The following TPD52L1 variants were observed in gnomAD, a reference collection of about 807,000 sequenced individuals.
TPD52L1 encodes the protein TPD52 like 1.
Under a neutral mutation model 28.7 loss-of-function variants are expected in TPD52L1, and 18 were observed. The ratio of observed to expected loss-of-function variants is 0.63; its 90% CI spans 0.43 to 0.93. The LOEUF (loss-of-function observed/expected upper bound fraction) is 0.93, where lower values mean the gene tolerates loss of function less well. TPD52L1 is among the 40% of genes least tolerant of loss of function. The probability of loss-of-function intolerance (pLI) is 0.00; values close to 1 mark genes in which losing one functional copy is unlikely to be tolerated. For synonymous variants in TPD52L1, 75 were observed against 88.8 expected (o/e 0.84, Z 0.88); for missense variants, 203 against 254.8 (o/e 0.80, Z 1.39).
At chr6:125,208,132 A>G (rs1582929605) in intron 1 of TPD52L1, among the ~76,000 whole-genome samples, 1 of 152,342 alleles carries the variant, frequency 6.6e-6, no homozygotes, top group East Asian at 1.9e-4. Context: ...GGCATGACTC[A>G]TAGAGAAGAA....
At chr6:125,160,161 A>G (rs942258063) in intron 1 of TPD52L1, among the ~76,000 whole-genome samples, 3 of 152,168 alleles carry the variant, frequency 2.0e-5, no homozygotes, top group Non-Finnish European at 4.4e-5. Flanking sequence ...TATTAGCAGC[A>G]TAAGAATGGA....
At chr6:125,207,261 T>C (rs1001682524) in intron 1 of TPD52L1, among the ~76,000 whole-genome samples, 1 of 152,194 alleles carries the variant, frequency 6.6e-6, no homozygotes, top group Non-Finnish European at 1.5e-5. Context: ...GTCAAATTTC[T>C]GCATGAGGTG....
chr6:125,154,013 C>T (rs761253073), intron 1 of TPD52L1, 43 bp downstream of exon 1: 1 of 1,583,610 alleles, frequency 6.3e-7, no homozygotes, highest in Non-Finnish European at 8.6e-7. Flanking sequence ...TCCTGGGGCG[C>T]GCATAAAGGC....
intron 3 of TPD52L1, among the ~76,000 whole-genome samples, chr6:125,230,380 G>C (rs1260725): frequency 0.95 from 144,845 of 152,218 alleles, 68,988 homozygotes; most frequent in East Asian, 1. Flanking sequence ...ATCCCTAGCC[G>C]TAACTTTAGT....
chr6:125,214,499 A>T (rs1794726509), intron 1 of TPD52L1: 4 of 971,966 alleles, frequency 4.1e-6, no homozygotes, highest in Non-Finnish European at 4.9e-6. Flanking sequence ...TCTAAGGGGA[A>T]CTGCTTGGGC....
At chr6:125,211,261 G>GTCTA (rs58864276) in intron 1 of TPD52L1, among the ~76,000 whole-genome samples, 42,853 of 148,796 alleles carry the variant, frequency 0.29, 6,555 homozygotes, top group Non-Finnish European at 0.36. Flanking sequence ...ATATGGATCT[G>GTCTA]TCTATCTATC....
intron 1 of TPD52L1, among the ~76,000 whole-genome samples, chr6:125,195,920 T>G (rs1793404824): frequency 2.0e-5 from 3 of 152,212 alleles, no homozygotes; most frequent in South Asian, 4.1e-4. Flanking sequence ...ATGCATCTCT[T>G]AAGCTTCAGG....
At chr6:125,254,310 G>T (rs1168421802) in intron 5 of TPD52L1, among the ~76,000 whole-genome samples, 2 of 152,168 alleles carry the variant, frequency 1.3e-5, no homozygotes, top group African/African-American at 4.8e-5. Context: ...TTAACTTCAA[G>T]TTTGCATGGC....
At chr6:125,215,872 T>C (rs938966405) in intron 1 of TPD52L1, among the ~76,000 whole-genome samples, 3 of 152,230 alleles carry the variant, frequency 2.0e-5, no homozygotes, top group Non-Finnish European at 4.4e-5. Flanking sequence ...CTGTTGTTTA[T>C]TCCCTGGAGC....
chr6:125,229,551 A>G (rs752507125), intron 3 of TPD52L1, among the ~76,000 whole-genome samples: 8 of 152,126 alleles, frequency 5.3e-5, no homozygotes, highest in Non-Finnish European at 1.2e-4. Flanking sequence ...TTCTCTTTAT[A>G]TTTTTAACAT....
intron 1 of TPD52L1, among the ~76,000 whole-genome samples, chr6:125,156,222 G>GA (rs1790105417): frequency 6.6e-6 from 1 of 152,102 alleles, no homozygotes; most frequent in Non-Finnish European, 1.5e-5. Flanking sequence ...CCAGCACTTC[G>GA]GGAGGCCAAG....
intron 4 of TPD52L1, among the ~76,000 whole-genome samples, chr6:125,249,408 G>A (rs1403201550): frequency 6.6e-6 from 1 of 151,898 alleles, no homozygotes; most frequent in Non-Finnish European, 1.5e-5. Flanking sequence ...GCTGGGCACA[G>A]TGGCTCATGC....
chr6:125,159,130 T>A (rs1246977645), intron 1 of TPD52L1, among the ~76,000 whole-genome samples: 1 of 152,226 alleles, frequency 6.6e-6, no homozygotes, highest in Non-Finnish European at 1.5e-5. Context: ...GTCACATAGA[T>A]TGACTATTCC....
intron 1 of TPD52L1, among the ~76,000 whole-genome samples, chr6:125,205,031 G>A (rs1221797505): frequency 1.3e-5 from 2 of 152,128 alleles, no homozygotes; most frequent in Admixed American, 6.5e-5. Context: ...ATCTTTTGCT[G>A]TTCATTTGGT....
intron 1 of TPD52L1, among the ~76,000 whole-genome samples, chr6:125,194,366 C>T (rs980053044): frequency 1.3e-5 from 2 of 152,130 alleles, no homozygotes; most frequent in African/African-American, 2.4e-5. Flanking sequence ...TGAAATACAT[C>T]GCAGCACCAA....
intron 1 of TPD52L1, among the ~76,000 whole-genome samples, chr6:125,154,844 G>A (rs1790008891): frequency 6.6e-6 from 1 of 152,264 alleles, no homozygotes; most frequent in South Asian, 2.1e-4. Context: ...ATGGCTTGCG[G>A]AGTTCAGCCT....
intron 1 of TPD52L1, among the ~76,000 whole-genome samples, chr6:125,218,147 T>A (rs1462786740): frequency 1.3e-5 from 2 of 152,224 alleles, no homozygotes; most frequent in Admixed American, 1.3e-4. Context: ...TGTCCAATTT[T>A]AATATACAAT....
At chr6:125,248,076 A>C (rs1000704104) in intron 3 of TPD52L1, among the ~76,000 whole-genome samples, 2 of 152,170 alleles carry the variant, frequency 1.3e-5, no homozygotes, top group Non-Finnish European at 2.9e-5. Flanking sequence ...ATACTTCCTA[A>C]ATTCAGATTT....
intron 3 of TPD52L1, among the ~76,000 whole-genome samples, chr6:125,233,956 G>A (rs1232735680): frequency 6.6e-6 from 1 of 152,114 alleles, no homozygotes; most frequent in African/African-American, 2.4e-5. Context: ...TTGGCGTGCT[G>A]GTCAAACAGC....
Sources: gnomAD v4.1 joint callset for allele counts (sites outside exome capture counted in the v4.1 genomes callset) on GRCh38, gnomAD v4.1.1 for gene constraint, MANE v1.5 for transcripts, NCBI Gene and HGNC (gene_info 2026-07-23, HGNC 2026-07-21) for gene names.